Variants in ADAP1 observed in about 807,000 individuals in gnomAD.
The protein encoded by ADAP1 is arf-GAP with dual PH domain-containing protein 1.
ADAP1 carries 31 observed loss-of-function variants against 54.9 expected under a neutral mutation model. That is an observed-to-expected ratio of 0.56 (90% CI 0.42 to 0.76). The LOEUF (loss-of-function observed/expected upper bound fraction) is 0.76, where lower values mean the gene tolerates loss of function less well. Among genes scored for constraint, ADAP1 ranks in the 30% least tolerant of loss-of-function variants. The probability of loss-of-function intolerance (pLI) is 0.00; values close to 1 mark genes in which losing one functional copy is unlikely to be tolerated. For synonymous variants in ADAP1, 313 were observed against 202.6 expected (o/e 1.55, Z -4.63); for missense variants, 535 against 512.4 (o/e 1.04, Z -0.42).
In ADAP1 at chr7:906,775, CAG is replaced by C. The variant is rs1845462205; in HGVS notation, c.389-1605_389-1604del. On this transcript the variant is annotated intron_variant, in intron 4 of 10. Transcript: ENST00000265846. The stretch of plus-strand genomic sequence containing the variant: ...GGACATGGACAGGGGACATGGGGGA[CAG>C]GGGACACGGGGGACGGGACAGGGGA... Among the ~76,000 whole-genome samples the C allele has an allele frequency of 4.2e-4, 5 of 11,898 alleles. 1 individual carries two copies. The highest frequency in any genetic ancestry group is 1.9e-3 in the African/African-American group (5 of 2,592). 7.8% of individuals were successfully genotyped at this position (11,898 alleles called of 152,430 possible).
chr7:942,250 C>T (rs1034964742), intron 1 of ADAP1, among the ~76,000 whole-genome samples: 1 of 151,204 alleles, frequency 6.6e-6, no homozygotes. Flanking sequence ...TTTTCAGATA[C>T]AACACCAAAG....
rs1001147658 is a variant in ADAP1, at chr7:945,281, G to A, written c.82+9115C>T. Among the ~76,000 whole-genome samples the A allele has an allele frequency of 1.3e-5, 2 of 152,206 alleles. No homozygotes were observed. Among genetic ancestry groups the A allele is most frequent in the African/African-American group, 4.8e-5 (2 of 41,460 alleles). On this transcript the variant is annotated intron_variant, in intron 1 of 10. Transcript: ENST00000265846. The surrounding 1 kb of genome is among the most constrained non-coding windows in gnomAD (Gnocchi z 4.2). ...ATCGGAGCGAAAAGGGGCGGGGCAC[G>A]CACTCTCAGAGACCCTCCAGGGTGG... is the stretch of plus-strand genomic sequence containing the variant.
Position 920,767 on chromosome 7 carries a change from C to A in ADAP1, c.306-717G>T, listed in dbSNP as rs909508178. On this transcript the variant is annotated intron_variant, in intron 3 of 10. Coordinates refer to ENST00000265846, the MANE Select transcript of ADAP1 (RefSeq NM_006869.4). The surrounding 1 kb of genome is among the most constrained non-coding windows in gnomAD (Gnocchi z 4.5). ...CCAGAGCCACCCACCACGGCCTCCC[C>A]ATCCACCGTGACTCACTCGAGTGAA... 6.5e-6 allele frequency: 10 copies of A among 1,547,238 alleles called. No homozygotes were observed. Among genetic ancestry groups the A allele is most frequent in the African/African-American group, 1.4e-5 (1 of 73,084 alleles).
intron 6 of ADAP1, chr7:900,873 G>GAAGGGCCA (rs1844769426): frequency 1.4e-5 from 7 of 509,036 alleles, no homozygotes; most frequent in Non-Finnish European, 2.5e-5. Context: ...GAGAAGGGCC[G>GAAGGGCCA]AAGGGCCGAA....
rs1554271806 is a variant in ADAP1 at position 905,456 on chromosome 7, G to GGAAAGGAGAAAGGA, written c.389-298_389-285dup. The GGAAAGGAGAAAGGA allele has an allele frequency of 2.4e-5, 2 of 82,702 alleles. 1 individual carries two copies. Among genetic ancestry groups the GGAAAGGAGAAAGGA allele is most frequent in the Non-Finnish European group, 4.3e-5 (2 of 46,716 alleles). 5.1% of individuals were successfully genotyped at this position (82,702 alleles called of 1,614,324 possible). ...AGGAGAAAGGGAGAAAGGGAGAAAGGGAAAGGAGAAAGGAGAAAGGGAAAG... is the reference window on the plus strand; with the variant it reads ...AGGAGAAAGGGAGAAAGGGAGAAAGGGAAAGGAGAAAGGAGAAAGGAGAAAGGAGAAAGGGAAAG... On this transcript the variant is annotated intron_variant, in intron 4 of 10. Transcript: ENST00000265846.
At chr7:932,299 C>A (rs1378451844) in intron 2 of ADAP1, among the ~76,000 whole-genome samples, 1 of 152,196 alleles carries the variant, frequency 6.6e-6, no homozygotes, top group Non-Finnish European at 1.5e-5. Context: ...CGGCCATCAC[C>A]CCAGGCAGAT....
chr7:951,344 G>C (rs186136759), intron 1 of ADAP1, among the ~76,000 whole-genome samples: 3,369 of 151,152 alleles, frequency 0.022, 128 homozygotes, highest in East Asian at 0.2. Flanking sequence ...CTGCAGTCCA[G>C]CCTGGGCGAC....
At chr7:922,978 G>A (rs1303582944) in intron 3 of ADAP1, 1 of 132,640 alleles carries the variant, frequency 7.5e-6, no homozygotes, top group Non-Finnish European at 1.6e-5. Flanking sequence ...TGGAAATACC[G>A]TGGTTGCAGA....
upstream of ADAP1, chr7:954,750 A>C: frequency 3.1e-6 from 3 of 975,572 alleles, no homozygotes; most frequent in South Asian, 9.5e-5. Flanking sequence ...CCAGCGGTGC[A>C]GGCGAGCGTG....
intron 7 of ADAP1, 54 bp downstream of exon 7, chr7:900,479 C>A (rs926425922): frequency 1.4e-5 from 19 of 1,374,546 alleles, no homozygotes; most frequent in Non-Finnish European, 2.0e-6. Flanking sequence ...TCCGTCCACC[C>A]CCCACCCCAC....
At chr7:908,883 G>A (rs898165156) in intron 4 of ADAP1, among the ~76,000 whole-genome samples, 21 of 152,160 alleles carry the variant, frequency 1.4e-4, no homozygotes, top group Non-Finnish European at 2.8e-4. Flanking sequence ...GGGTGGAGCT[G>A]GCTGGGTCCA....
intron 1 of ADAP1, among the ~76,000 whole-genome samples, chr7:939,773 G>A (rs2128109928): frequency 6.6e-6 from 1 of 151,772 alleles, no homozygotes; most frequent in African/African-American, 2.4e-5. Flanking sequence ...GGAGATTGCA[G>A]TGAGCCGAGA....
chr7:898,797 C>A lies in ADAP1; in HGVS notation c.*124G>T. Reference sequence around the variant, plus strand: ...CTGAAGCTCGGGCCCTACCTGGCCGCGCCGGGCTGCCCTGAGGAGCAGGTG... The same window carrying A: ...CTGAAGCTCGGGCCCTACCTGGCCGAGCCGGGCTGCCCTGAGGAGCAGGTG... On this transcript the variant is annotated 3_prime_UTR_variant, in exon 11 of 11. Transcript: ENST00000265846. The A allele has an allele frequency of 7.3e-7, 1 of 1,371,330 alleles. No homozygotes were observed. Among genetic ancestry groups the A allele is most frequent in the Non-Finnish European group, 1.0e-6 (1 of 1,000,116 alleles). 84.9% of individuals were successfully genotyped at this position (1,371,330 alleles called of 1,614,324 possible).
Position 945,688 on chromosome 7 carries a change from C to T in ADAP1, c.82+8708G>A, listed in dbSNP as rs6951887. 7.8e-4 allele frequency: 752 copies of T among 958,596 alleles called. 3 individuals are homozygous for T. The African/African-American group carries it at 0.012, about 16-fold the overall frequency. 59.4% of individuals were successfully genotyped at this position (958,596 alleles called of 1,614,324 possible). ...AGGCTGCCAGCACCGTCTCCAGGAGCTGCCTCCTCCTCGGAGACTGCCCAC... is the reference window on the plus strand; with the variant it reads ...AGGCTGCCAGCACCGTCTCCAGGAGTTGCCTCCTCCTCGGAGACTGCCCAC... On this transcript the variant is annotated intron_variant, in intron 1 of 10. Coordinates refer to ENST00000265846, the MANE Select transcript of ADAP1 (RefSeq NM_006869.4). The surrounding 1 kb of genome is among the most constrained non-coding windows in gnomAD (Gnocchi z 4.2).
At chr7:948,993 C>T (rs1240686622) in intron 1 of ADAP1, among the ~76,000 whole-genome samples, 5 of 152,228 alleles carry the variant, frequency 3.3e-5, no homozygotes, top group Non-Finnish European at 7.3e-5. Flanking sequence ...CCATGCCCGG[C>T]CCTCACTCAC....
At chr7:904,938 C>A (rs1169930375) in intron 5 of ADAP1, 122 bp downstream of exon 5, 3 of 831,498 alleles carry the variant, frequency 3.6e-6, no homozygotes, top group South Asian at 3.1e-5. Flanking sequence ...CTGGAGCGTC[C>A]CCATCGGGGG....
Position 900,670 on chromosome 7 carries a change from C to A in ADAP1, c.649-54G>T, listed in dbSNP as rs1277012426. 2.2e-6 allele frequency: 3 copies of A among 1,358,862 alleles called. No individual in the cohort carries two copies. The African/African-American group carries it at 4.4e-5, about 20-fold the overall frequency. 84.2% of individuals were successfully genotyped at this position (1,358,862 alleles called of 1,614,324 possible). ...GCTGAGGAGGCTGCAGCGCTGGGGT[C>A]CCCACAGAGGGGCTGGGGTCCCCAC... On this transcript the variant is annotated intron_variant, in intron 6 of 10. Coordinates refer to ENST00000265846, the MANE Select transcript of ADAP1 (RefSeq NM_006869.4).
intron 1 of ADAP1, among the ~76,000 whole-genome samples, chr7:944,839 C>T (rs1162541573): frequency 6.6e-6 from 1 of 151,950 alleles, no homozygotes; most frequent in East Asian, 1.9e-4. Flanking sequence ...CATTAACCAT[C>T]CCCACTCTAC....
intron 1 of ADAP1, among the ~76,000 whole-genome samples, chr7:940,082 T>C (rs534407313): frequency 6.6e-6 from 1 of 152,268 alleles, no homozygotes; most frequent in East Asian, 1.9e-4. Flanking sequence ...CACATCCTCC[T>C]TGGTATTTGT....
Sources: gnomAD v4.1 joint callset for allele counts (sites outside exome capture counted in the v4.1 genomes callset) on GRCh38, gnomAD v4.1.1 for gene constraint, Gnocchi (gnomAD v3.1) non-coding constraint, MANE v1.5 for transcripts, NCBI Gene and HGNC (gene_info 2026-07-23, HGNC 2026-07-21) for gene names.